Variants in GRHL2 observed in about 807,000 individuals in gnomAD.
The protein encoded by GRHL2 is grainyhead-like protein 2 homolog.
In GRHL2, 21 loss-of-function variants were observed where a neutral mutation model predicts 83.8. That is an observed-to-expected ratio of 0.25 (90% CI 0.18 to 0.36). The LOEUF (loss-of-function observed/expected upper bound fraction) is 0.36, where lower values mean the gene tolerates loss of function less well. Ranked by LOEUF, GRHL2 falls within the 10% of genes least tolerant of loss-of-function variation. The pLI is 1.00. For synonymous variants in GRHL2, 280 were observed against 278.9 expected, an observed-to-expected ratio of 1.00 and a Z score of -0.04; for missense variants, 623 against 781.8, an observed-to-expected ratio of 0.80 and a Z score of 2.42.
At chr8:101,629,033 A>C (rs1483063147) in intron 9 of GRHL2, among the ~76,000 whole-genome samples, 2 of 152,244 alleles carry the variant, frequency 1.3e-5, no homozygotes, top group African/African-American at 4.8e-5. Context: ...TTGATAAAAC[A>C]GCAGCAGTGC....
intron 9 of GRHL2, among the ~76,000 whole-genome samples, chr8:101,622,795 T>G (rs549477010): frequency 6.6e-6 from 1 of 152,222 alleles, no homozygotes; most frequent in Admixed American, 6.5e-5. Flanking sequence ...ACCCGAGCAG[T>G]ACACACTGCA....
At chr8:101,528,176 A>G (rs568157385) in intron 1 of GRHL2, among the ~76,000 whole-genome samples, 67 of 152,168 alleles carry the variant, frequency 4.4e-4, no homozygotes, top group Non-Finnish European at 8.8e-4. Context: ...TGTTAAATTG[A>G]ACTTTATACC....
intron 7 of GRHL2, among the ~76,000 whole-genome samples, chr8:101,589,346 G>C (rs747513783): frequency 7.2e-5 from 11 of 152,218 alleles, no homozygotes; most frequent in Non-Finnish European, 1.3e-4. Flanking sequence ...TGTTAAGCCT[G>C]TCTGAGTTAC....
At chr8:101,559,362 A>C (rs1394053408) in intron 4 of GRHL2, among the ~76,000 whole-genome samples, 1 of 140,526 alleles carries the variant, frequency 7.1e-6, no homozygotes, top group African/African-American at 3.1e-5. Flanking sequence ...ACAAAAAAAA[A>C]AAAAAAAAAA....
intron 7 of GRHL2, among the ~76,000 whole-genome samples, chr8:101,578,275 A>C (rs547714205): frequency 2.5e-4 from 38 of 152,328 alleles, no homozygotes; most frequent in Middle Eastern, 6.8e-3. Context: ...GCCACCCAGC[A>C]GGAGCTGGGA....
intron 6 of GRHL2, among the ~76,000 whole-genome samples, chr8:101,574,027 G>A (rs1258515868): frequency 6.6e-6 from 1 of 152,210 alleles, no homozygotes; most frequent in African/African-American, 2.4e-5. Context: ...CCAGGGAAGG[G>A]ACATGGTTGG....
At position 101,506,672 on chromosome 8, in the gene GRHL2, T is replaced by C. The variant is rs143896561; in HGVS notation, c.20+13883T>C. 5.2e-3 allele frequency among the ~76,000 whole-genome samples: 796 copies of C among 152,324 alleles called. 3 individuals carry two copies. The highest frequency in any genetic ancestry group is 0.034 in the Middle Eastern group (10 of 294). On this transcript the variant is annotated intron_variant, in intron 1 of 15. Transcript: ENST00000646743. ...TTACTGTAGAATAGATTTCTGGAAG[T>C]ATAAGAACAGGAGACATAAATATTT...
chr8:101,658,878 T>C (rs1301168297), intron 14 of GRHL2, among the ~76,000 whole-genome samples: 1 of 152,234 alleles, frequency 6.6e-6, no homozygotes, highest in Non-Finnish European at 1.5e-5. Context: ...ACAAATAATG[T>C]AATCTATAGG....
At chr8:101,558,059 G>A (rs1811523392) in intron 3 of GRHL2, among the ~76,000 whole-genome samples, 1 of 152,062 alleles carries the variant, frequency 6.6e-6, no homozygotes, top group Non-Finnish European at 1.5e-5. Context: ...TTAGAGACGG[G>A]GTTTCACCAT....
chr8:101,619,279 A>C (rs1437583766), intron 8 of GRHL2, among the ~76,000 whole-genome samples: 1 of 151,946 alleles, frequency 6.6e-6, no homozygotes, highest in Non-Finnish European at 1.5e-5. Context: ...ATAAAATAAG[A>C]CTTTGCTGAT....
intron 9 of GRHL2, among the ~76,000 whole-genome samples, chr8:101,627,893 C>T (rs941543387): frequency 6.6e-6 from 1 of 152,134 alleles, no homozygotes; most frequent in Non-Finnish European, 1.5e-5. Flanking sequence ...AAGGCCCTAA[C>T]TCTTTTCAAC....
At chr8:101,559,252 CTG>C in intron 4 of GRHL2, among the ~76,000 whole-genome samples, 1 of 150,014 alleles carries the variant, frequency 6.7e-6, no homozygotes, top group Non-Finnish European at 1.5e-5. Flanking sequence ...TGGCTCATGC[CTG>C]TAATCCCAGC....
At chr8:101,591,398 G>C (rs1413542724) in intron 7 of GRHL2, among the ~76,000 whole-genome samples, 3 of 152,048 alleles carry the variant, frequency 2.0e-5, no homozygotes, top group Non-Finnish European at 4.4e-5. Context: ...ATATTTTCTT[G>C]TTTGTCTCCT....
chr8:101,540,570 G>A (rs747957219), intron 1 of GRHL2, among the ~76,000 whole-genome samples: 25 of 152,138 alleles, frequency 1.6e-4, no homozygotes, highest in Admixed American at 5.9e-4. Flanking sequence ...TCTGCTAAAC[G>A]TGCATTTCCC....
intron 1 of GRHL2, among the ~76,000 whole-genome samples, chr8:101,533,005 G>T (rs1013081577): frequency 6.6e-6 from 1 of 152,138 alleles, no homozygotes; most frequent in Admixed American, 6.5e-5. Context: ...TGGACAACAG[G>T]TAGACGAAAG....
intron 1 of GRHL2, among the ~76,000 whole-genome samples, chr8:101,495,777 C>T (rs1484952931): frequency 6.6e-6 from 1 of 152,100 alleles, no homozygotes; most frequent in Non-Finnish European, 1.5e-5. Context: ...GAAAGCAACT[C>T]ATGGACAGAC....
chr8:101,557,224 CTTTT>C (rs34785282), intron 3 of GRHL2, among the ~76,000 whole-genome samples: 1 of 122,428 alleles, frequency 8.2e-6, no homozygotes, highest in Admixed American at 8.9e-5. Flanking sequence ...ATTAACAATA[CTTTT>C]TTTTTTTTTT....
chr8:101,552,592 A>T, intron 2 of GRHL2, 123 bp from the exon 3 acceptor site: 1 of 868,716 alleles, frequency 1.2e-6, no homozygotes, highest in Non-Finnish European at 1.9e-6. Flanking sequence ...GGTGATAGCA[A>T]CTTTTCCACC....
chr8:101,645,116 ATTTTTTTTTTTT>A (rs553249046), intron 13 of GRHL2, among the ~76,000 whole-genome samples: 54 of 117,344 alleles, frequency 4.6e-4, no homozygotes, highest in African/African-American at 1.4e-3. Flanking sequence ...GCAGTACAGA[ATTTTTTTTTTTT>A]TTTTTTTTTT....
Sources: allele counts gnomAD v4.1 joint callset (sites outside exome capture counted in the v4.1 genomes callset), GRCh38; gene constraint gnomAD v4.1.1; transcripts MANE v1.5; gene names NCBI Gene and HGNC (gene_info 2026-07-23, HGNC 2026-07-21).